DAP3: variants seen among roughly 807,000 people sequenced by gnomAD.
DAP3 encodes death associated protein 3, also known as small ribosomal subunit protein mS29.
DAP3 carries 28 observed loss-of-function variants against 51.9 expected under a neutral mutation model. The observed-to-expected ratio is 0.54, with a 90% CI of 0.40 to 0.74. The LOEUF is 0.74. Ranked by LOEUF, DAP3 falls within the 30% of genes least tolerant of loss-of-function variation. The pLI is 0.00. For synonymous variants in DAP3, 170 were observed against 170.3 expected (o/e 1.00, Z 0.01); for missense variants, 458 against 483.5 (o/e 0.95, Z 0.49).
At chr1:155,726,054 G>A (rs760998271) in intron 6 of DAP3, 35 bp downstream of exon 6, 1 of 1,544,260 alleles carries the variant, frequency 6.5e-7, no homozygotes, top group South Asian at 1.1e-5. Flanking sequence ...TGTCTGTTAG[G>A]TTTAGTTATC....
chr1:155,692,480 A>G (rs547779800), intron 1 of DAP3, among the ~76,000 whole-genome samples: 1 of 142,054 alleles, frequency 7.0e-6, no homozygotes, highest in Non-Finnish European at 1.5e-5. Flanking sequence ...AAAAGCAAAC[A>G]GCATAAACAG....
chr1:155,701,700 A>G (rs1262488603), intron 1 of DAP3, among the ~76,000 whole-genome samples: 2 of 151,462 alleles, frequency 1.3e-5, no homozygotes, highest in African/African-American at 2.4e-5. Context: ...AAAAAAAAAA[A>G]AAAAGAAAAT....
At chr1:155,720,568 A>C (rs1040989284) in intron 3 of DAP3, among the ~76,000 whole-genome samples, 3 of 151,960 alleles carry the variant, frequency 2.0e-5, no homozygotes, top group Non-Finnish European at 4.4e-5. Flanking sequence ...GAATTGGTTG[A>C]ACCCGGGAGG....
At chr1:155,728,451 A>G (rs1001418422) in intron 7 of DAP3, among the ~76,000 whole-genome samples, 2 of 151,982 alleles carry the variant, frequency 1.3e-5, no homozygotes, top group African/African-American at 2.4e-5. Context: ...AGGCCCATCT[A>G]TTCAGGAGGC....
At chr1:155,691,570 A>G (rs1308942769) in intron 1 of DAP3, among the ~76,000 whole-genome samples, 2 of 141,744 alleles carry the variant, frequency 1.4e-5, no homozygotes, top group Non-Finnish European at 2.9e-5. Flanking sequence ...CAACTTTTGC[A>G]TACACTTGTT....
chr1:155,694,293 CTG>C (rs976972787), intron 1 of DAP3, among the ~76,000 whole-genome samples: 2 of 141,434 alleles, frequency 1.4e-5, no homozygotes, highest in Admixed American at 6.6e-5. Flanking sequence ...CCTTGAGTAT[CTG>C]TAGGCTCAGG....
rs1437077149 is a variant in DAP3, at chr1:155,692,376, C to T, written c.-8+3202C>T. On this transcript the variant is annotated intron_variant, in intron 1 of 12. Transcript: ENST00000368336. ...CCCTGTAAGCCTTTTTCCCAACATG[C>T]CCCCCTTTTTTCTTTTTTAAAACTG... Among the ~76,000 whole-genome samples, 2 of 141,488 alleles carry T rather than the reference C, an allele frequency of 1.4e-5. 1 individual carries two copies. The highest frequency in any genetic ancestry group is 6.4e-5 in the African/African-American group (2 of 31,056). The allele number at this position is 141,488 out of a possible 152,430, so 92.8% of individuals were successfully genotyped here. A position where few individuals can be genotyped will look rare whatever the true frequency, so the allele number is the denominator to read the frequency against.
Position 155,726,060 on chromosome 1 carries a change from T to G in DAP3, c.472+41T>G, listed in dbSNP as rs2149185587. 6 of 1,536,800 alleles carry G rather than the reference T, an allele frequency of 3.9e-6. No individual in the cohort carries two copies. The African/African-American group carries it at 5.5e-5, about 14-fold the overall frequency. On this transcript the variant is annotated intron_variant, in intron 6 of 12. Coordinates refer to ENST00000368336, the MANE Select transcript of DAP3 (RefSeq NM_004632.4). ...TGTTTCTTCTGTCTGTTAGGTTTAGTTATCCTGTTACTGTGGTAGCCTTGC... is the reference window on the plus strand; with the variant it reads ...TGTTTCTTCTGTCTGTTAGGTTTAGGTATCCTGTTACTGTGGTAGCCTTGC...
chr1:155,690,271 G>A (rs559710390), intron 1 of DAP3, among the ~76,000 whole-genome samples: 1 of 141,712 alleles, frequency 7.1e-6, no homozygotes, highest in South Asian at 2.1e-4. Context: ...AAGACATTAG[G>A]CTGGGCGCAG....
At chr1:155,708,491 A>G (rs1399726534) in intron 1 of DAP3, among the ~76,000 whole-genome samples, 1 of 148,384 alleles carries the variant, frequency 6.7e-6, no homozygotes, top group Non-Finnish European at 1.5e-5. Context: ...TTCGCAGCCT[A>G]TTTAACATTT....
In DAP3 at chr1:155,733,440, C is replaced by G. The variant is rs150347782; in HGVS notation, c.993+1407C>G. On this transcript the variant is annotated intron_variant, in intron 11 of 12. Transcript: ENST00000368336. ...TACTTTAGTTATACCTGGCATGGAG[C>G]CTCCGCAGCTGGTATGGTCTTGTGG... 1.5e-3 allele frequency among the ~76,000 whole-genome samples: 234 copies of G among 152,308 alleles called. 1 individual carries two copies. Among genetic ancestry groups the G allele is most frequent in the African/African-American group, 5.5e-3 (230 of 41,560 alleles).
chr1:155,711,765 A>C (rs1354578424), intron 2 of DAP3, among the ~76,000 whole-genome samples: 1 of 151,414 alleles, frequency 6.6e-6, no homozygotes, highest in Admixed American at 6.6e-5. Context: ...AGCCAGTCCA[A>C]GTCCCAAAAC....
chr1:155,693,876 C>T (rs1335579861), intron 1 of DAP3, among the ~76,000 whole-genome samples: 1 of 140,970 alleles, frequency 7.1e-6, no homozygotes, highest in East Asian at 1.9e-4. Flanking sequence ...CAGGAGAATC[C>T]CTTGAACTTG....
At chr1:155,732,067 T>C (rs1166930744) in intron 11 of DAP3, 34 bp downstream of exon 11, 2 of 1,546,772 alleles carry the variant, frequency 1.3e-6, no homozygotes, top group Admixed American at 2.0e-5. Context: ...TCTACTTAGA[T>C]TGTTATCCTG....
intron 11 of DAP3, among the ~76,000 whole-genome samples, chr1:155,734,148 C>A (rs1659522986): frequency 6.6e-6 from 1 of 152,014 alleles, no homozygotes; most frequent in Non-Finnish European, 1.5e-5. Flanking sequence ...TAGAGTGCGG[C>A]CCTATCTCAA....
intron 4 of DAP3, 76 bp from the exon 5 acceptor site, chr1:155,725,306 A>G: frequency 7.6e-7 from 1 of 1,310,176 alleles, no homozygotes. Flanking sequence ...TTGCCACTTT[A>G]GGCAGAGTAT....
chr1:155,714,327 C>T (rs1300206452), intron 2 of DAP3, among the ~76,000 whole-genome samples: 1 of 152,168 alleles, frequency 6.6e-6, no homozygotes, highest in Non-Finnish European at 1.5e-5. Flanking sequence ...TAGTTCCCAA[C>T]TAGCTGGGAC....
chr1:155,693,498 G>A (rs759001999), intron 1 of DAP3, among the ~76,000 whole-genome samples: 1 of 141,740 alleles, frequency 7.1e-6, no homozygotes, highest in African/African-American at 3.2e-5. Flanking sequence ...TGGGAAACTG[G>A]GCATGTTTTT....
rs1571506619 is a variant in DAP3, at chr1:155,716,854, G to A, written c.46-152G>A. 2.8e-6 allele frequency: 3 copies of A among 1,065,886 alleles called. No homozygotes were observed. In the South Asian group the frequency reaches 5.3e-5, roughly 19 times the overall value. The allele number at this position is 1,065,886 out of a possible 1,614,324, so 66.0% of individuals were successfully genotyped here. On this transcript the variant is annotated intron_variant, in intron 2 of 12. Coordinates refer to ENST00000368336, the MANE Select transcript of DAP3 (RefSeq NM_004632.4). ...CCCAGTTACTCAGGAAGCTGAGGCA[G>A]GAGAATCACTTGAACCTGGAAGGCG...
Sources: allele counts gnomAD v4.1 joint callset (sites outside exome capture counted in the v4.1 genomes callset), GRCh38; gene constraint gnomAD v4.1.1; transcripts MANE v1.5; gene names NCBI Gene and HGNC (gene_info 2026-07-23, HGNC 2026-07-21).